Variants in FHIP2A observed in about 807,000 individuals in gnomAD.
The protein encoded by FHIP2A is FHF complex subunit HOOK interacting protein 2A, also known as family with sequence similarity 160 member B1.
In FHIP2A, 46 loss-of-function variants were observed where a neutral mutation model predicts 93.5. The ratio of observed to expected loss-of-function variants is 0.49; its 90% CI spans 0.39 to 0.63. The LOEUF is 0.63. FHIP2A is among the 20% of genes least tolerant of loss of function. The pLI is 0.00. For synonymous variants in FHIP2A, 332 were observed against 326.5 expected (o/e 1.02, Z -0.18); for missense variants, 769 against 909.7 (o/e 0.85, Z 1.99).
chr10:114,897,001 G>C (rs892453908), intron 16 of FHIP2A, among the ~76,000 whole-genome samples: 1 of 152,170 alleles, frequency 6.6e-6, no homozygotes, highest in Non-Finnish European at 1.5e-5. Context: ...TTTATTTAAA[G>C]ACCTGTGCTA....
At position 114,860,701 on chromosome 10, in the gene FHIP2A, C is replaced by T. The variant is rs374555923; in HGVS notation, c.1948-48C>T. On this transcript the variant is annotated intron_variant, in intron 14 of 16. Transcript: ENST00000369248. ...AATTGAAATAGTAAATTAAGCACAC[C>T]GGTATACATTATTTTTAAATGTCTT... is the stretch of plus-strand genomic sequence containing the variant. The T allele has an allele frequency of 6.1e-4, 867 of 1,411,714 alleles. 1 individual carries two copies. The highest frequency in any genetic ancestry group is 1.8e-3 in the African/African-American group (127 of 70,882). 87.4% of individuals were successfully genotyped at this position (1,411,714 alleles called of 1,614,324 possible).
In FHIP2A at chr10:114,863,599, T is replaced by C. The variant is rs759936524; in HGVS notation, c.*2059T>C. 13 of 1,264,394 alleles carry C rather than the reference T, an allele frequency of 1.0e-5. No individual in the cohort carries two copies. The highest frequency in any genetic ancestry group is 1.3e-5 in the Non-Finnish European group (13 of 979,040). The allele number at this position is 1,264,394 out of a possible 1,614,324, so 78.3% of individuals were successfully genotyped here. A position where few individuals can be genotyped will look rare whatever the true frequency, so the allele number is the denominator to read the frequency against. Reference sequence around the variant, plus strand: ...AATCAGCTAAGGCTTAAGATTTCATTTGTTTCTAAGTTTCTGTTTTTCATC... The same window carrying C: ...AATCAGCTAAGGCTTAAGATTTCATCTGTTTCTAAGTTTCTGTTTTTCATC... On this transcript the variant is annotated 3_prime_UTR_variant, in exon 17 of 17. Coordinates refer to ENST00000369248, the MANE Select transcript of FHIP2A (RefSeq NM_020940.4).
chr10:114,861,663 G>A lies in FHIP2A; in HGVS notation c.*123G>A. 6.9e-7 allele frequency: 1 copy of A among 1,450,940 alleles called. No individual in the cohort carries two copies. The highest frequency in any genetic ancestry group is 1.5e-5 in the South Asian group (1 of 68,432). 89.9% of individuals were successfully genotyped at this position (1,450,940 alleles called of 1,614,324 possible). ...TTAAACGCAGTATTGCTGTAAACTG[G>A]ACAGAACCATTAAGAACCTATTGAG... On this transcript the variant is annotated 3_prime_UTR_variant, in exon 17 of 17. Transcript: ENST00000369248.
In FHIP2A at chr10:114,843,065, A is replaced by G. The variant is rs1566370362; in HGVS notation, c.655A>G (p.Met219Val). The part of the protein sequence containing the change: ...QPEELSGATG[M>V]EQTELEDEPP... ...AGAGGAACTATCTGGTGCTACTGGA[A>G]TGGAGCAAACAGAATTGGAAGATGA... Residue 219 changes from methionine (M) to valine (V), a missense_variant, in exon 6 of 17, where the codon ATG (methionine) becomes GTG (valine). Physicochemically the swap from Met to Val is conservative, Grantham distance 21. Coordinates refer to ENST00000369248, the MANE Select transcript of FHIP2A (RefSeq NM_020940.4). 1 of 1,614,132 alleles carries G rather than the reference A, an allele frequency of 6.2e-7. No individual in the cohort carries two copies. The highest frequency in any genetic ancestry group is 8.5e-7 in the Non-Finnish European group (1 of 1,179,994).
At chr10:114,896,606 T>A (rs2084002662) in intron 16 of FHIP2A, among the ~76,000 whole-genome samples, 1 of 152,216 alleles carries the variant, frequency 6.6e-6, no homozygotes, top group African/African-American at 2.4e-5. Context: ...CAACCGTTTG[T>A]GTTTCACCTA....
rs2083806530 is a variant in FHIP2A at position 114,862,505 on chromosome 10, T to G, written c.*965T>G. The G allele has an allele frequency of 1.0e-6, 1 of 987,478 alleles. No individual in the cohort carries two copies. Among genetic ancestry groups the G allele is most frequent in the African/African-American group, 1.7e-5 (1 of 57,328 alleles). 61.2% of individuals were successfully genotyped at this position (987,478 alleles called of 1,614,324 possible). ...GCCAGTGGCTCCTCGATGTTTACATTTTTTTCTATTTTGTTCAGTCTTTTG... is the reference window on the plus strand; with the variant it reads ...GCCAGTGGCTCCTCGATGTTTACATGTTTTTCTATTTTGTTCAGTCTTTTG... On this transcript the variant is annotated 3_prime_UTR_variant, in exon 17 of 17. Coordinates refer to ENST00000369248, the MANE Select transcript of FHIP2A (RefSeq NM_020940.4).
At chr10:114,829,399 A>G (rs2083595313) in intron 1 of FHIP2A, among the ~76,000 whole-genome samples, 1 of 152,238 alleles carries the variant, frequency 6.6e-6, no homozygotes, top group African/African-American at 2.4e-5. Context: ...CTATATAAGG[A>G]TGGCATCTTT....
chr10:114,866,610 T>C (rs2083830435), downstream of FHIP2A, among the ~76,000 whole-genome samples: 1 of 152,190 alleles, frequency 6.6e-6, no homozygotes, highest in African/African-American at 2.4e-5. Context: ...AAGAACTTTC[T>C]ATGAACCAGG....
intron 1 of FHIP2A, among the ~76,000 whole-genome samples, chr10:114,824,006 T>C (rs2083559170): frequency 6.6e-6 from 1 of 152,214 alleles, no homozygotes; most frequent in Non-Finnish European, 1.5e-5. Context: ...ATTCAAGTAC[T>C]GCCTTGAATC....
At chr10:114,828,094 A>G (rs1221727223) in intron 1 of FHIP2A, among the ~76,000 whole-genome samples, 2 of 152,192 alleles carry the variant, frequency 1.3e-5, no homozygotes, top group Non-Finnish European at 2.9e-5. Context: ...AAAGTTTACC[A>G]GAAAGTTTTA....
intron 14 of FHIP2A, among the ~76,000 whole-genome samples, chr10:114,859,760 A>G (rs988136483): frequency 3.3e-5 from 5 of 152,224 alleles, no homozygotes; most frequent in African/African-American, 2.4e-5. Context: ...ACGATATTAC[A>G]TGTAAAACAA....
chr10:114,846,490 A>C, intron 10 of FHIP2A, 69 bp from the exon 11 acceptor site: 1 of 1,474,036 alleles, frequency 6.8e-7, no homozygotes. Context: ...AGCATGACTC[A>C]CAAGATGGTA....
chr10:114,841,805 A>G (rs912789284), intron 5 of FHIP2A, among the ~76,000 whole-genome samples: 9 of 152,184 alleles, frequency 5.9e-5, no homozygotes, highest in African/African-American at 1.4e-4. Flanking sequence ...TGTTTCTATG[A>G]TGATAGGCCC....
At position 114,863,578 on chromosome 10, in the gene FHIP2A, A is replaced by G. The variant is rs147339679; in HGVS notation, c.*2038A>G. On this transcript the variant is annotated 3_prime_UTR_variant, in exon 17 of 17. Coordinates refer to ENST00000369248, the MANE Select transcript of FHIP2A (RefSeq NM_020940.4). ...GTTGTAATGACTTTAATTTGTAATC[A>G]GCTAAGGCTTAAGATTTCATTTGTT... 3 of 1,239,622 alleles carry G rather than the reference A, an allele frequency of 2.4e-6. No individual in the cohort carries two copies. The East Asian group carries it at 1.8e-4, about 74-fold the overall frequency. 76.8% of individuals were successfully genotyped at this position (1,239,622 alleles called of 1,614,324 possible).
rs781619311 is a variant in FHIP2A at position 114,861,528 on chromosome 10, C to T, written c.2286C>T (p.Ser762=). ...AAIAFVKYHA[S]STP is the part of the protein sequence containing the mutation. ...TCGCATTTGTAAAATATCATGCTTC[C>T]TCCACACCATAAATAACATCTTTCA... The change falls in exon 17 of 17, where the codon TCC becomes TCT. Residue 762 remains serine, a synonymous_variant. Coordinates refer to ENST00000369248, the MANE Select transcript of FHIP2A (RefSeq NM_020940.4). The T allele has an allele frequency of 1.2e-6, 2 of 1,613,346 alleles. No individual in the cohort carries two copies. Among genetic ancestry groups the T allele is most frequent in the East Asian group, 2.2e-5 (1 of 44,886 alleles).
intron 14 of FHIP2A, among the ~76,000 whole-genome samples, chr10:114,857,118 CACAA>C (rs949852895): frequency 6.6e-6 from 1 of 150,994 alleles, no homozygotes; most frequent in African/African-American, 2.4e-5. Context: ...AAAATTAAAA[CACAA>C]ACAAAAAAAA....
intron 16 of FHIP2A, among the ~76,000 whole-genome samples, chr10:114,881,896 AGACCTG>A (rs2083919087): frequency 6.6e-6 from 1 of 152,222 alleles, no homozygotes; most frequent in Non-Finnish European, 1.5e-5. Context: ...AAGACAGTCA[AGACCTG>A]GCCATTAAAT....
intron 1 of FHIP2A, among the ~76,000 whole-genome samples, chr10:114,829,404 A>G (rs1592013044): frequency 6.6e-6 from 1 of 150,872 alleles, no homozygotes; most frequent in South Asian, 2.1e-4. Context: ...TAAGGATGGC[A>G]TCTTTCAGAC....
At chr10:114,881,365 T>A (rs1391171860) in intron 16 of FHIP2A, among the ~76,000 whole-genome samples, 1 of 152,184 alleles carries the variant, frequency 6.6e-6, no homozygotes, top group African/African-American at 2.4e-5. Flanking sequence ...AGTTGTTTTA[T>A]CACTTTCCTG....
Sources: allele counts gnomAD v4.1 joint callset (sites outside exome capture counted in the v4.1 genomes callset), GRCh38; gene constraint gnomAD v4.1.1; transcripts MANE v1.5; gene names NCBI Gene and HGNC (gene_info 2026-07-23, HGNC 2026-07-21).